Variants in PBX3 observed in about 807,000 individuals in gnomAD.
The protein encoded by PBX3 is pre-B-cell leukemia transcription factor 3.
A neutral mutation model predicts 48.5 loss-of-function variants in PBX3; 14 were observed. The observed-to-expected ratio is 0.29, with a 90% CI of 0.19 to 0.45. The LOEUF is 0.45. PBX3 is among the 20% of genes least tolerant of loss of function. The pLI, the probability that PBX3 is intolerant of heterozygous loss-of-function variation, is 1.00. For missense variants in PBX3, 386 were observed against 546.7 expected (o/e 0.71, Z 2.93); for synonymous variants, 210 against 200.3 (o/e 1.05, Z -0.41).
intron 2 of PBX3, among the ~76,000 whole-genome samples, chr9:125,824,461 G>A (rs776483077): frequency 1.7e-4 from 26 of 152,150 alleles, no homozygotes; most frequent in Non-Finnish European, 3.7e-4. Context: ...TTATGAGAAT[G>A]CATATTTAAT....
chr9:125,906,771 C>T (rs938025298), intron 2 of PBX3, among the ~76,000 whole-genome samples: 5 of 152,032 alleles, frequency 3.3e-5, no homozygotes, highest in African/African-American at 1.2e-4. Context: ...ATCATCATAT[C>T]TGTATGGTTT....
chr9:125,795,801 A>G (rs966770374), intron 2 of PBX3, among the ~76,000 whole-genome samples: 1 of 152,204 alleles, frequency 6.6e-6, no homozygotes, highest in African/African-American at 2.4e-5. Flanking sequence ...TTAATACACG[A>G]GGTCCCACAG....
At chr9:125,764,305 T>C (rs150497582) in intron 2 of PBX3, among the ~76,000 whole-genome samples, 2 of 152,378 alleles carry the variant, frequency 1.3e-5, no homozygotes, top group African/African-American at 4.8e-5. Context: ...AACAGAACTG[T>C]ACTTTGGATA....
chr9:125,862,283 T>G (rs1234767850), intron 2 of PBX3, among the ~76,000 whole-genome samples: 1 of 152,180 alleles, frequency 6.6e-6, no homozygotes, highest in African/African-American at 2.4e-5. Context: ...TTGTGACATA[T>G]GGTAAGAGCA....
chr9:125,788,929 C>G (rs890530624), intron 2 of PBX3, among the ~76,000 whole-genome samples: 12 of 151,334 alleles, frequency 7.9e-5, no homozygotes, highest in Admixed American at 6.6e-5. Flanking sequence ...ATTTCCCTTC[C>G]TTTTTCTCTT....
chr9:125,808,052 T>TA (rs1838178808), intron 2 of PBX3, among the ~76,000 whole-genome samples: 1 of 152,210 alleles, frequency 6.6e-6, no homozygotes, highest in South Asian at 2.1e-4. Context: ...GATAGATAGA[T>TA]AAAGTCCAGA....
intron 2 of PBX3, among the ~76,000 whole-genome samples, chr9:125,792,127 T>C (rs746143554): frequency 6.6e-6 from 1 of 152,012 alleles, no homozygotes; most frequent in African/African-American, 2.4e-5. Flanking sequence ...TAGACTCTTA[T>C]ACTAGAATCC....
intron 5 of PBX3, among the ~76,000 whole-genome samples, chr9:125,953,118 A>C (rs1842227139): frequency 6.6e-6 from 1 of 152,136 alleles, no homozygotes; most frequent in Non-Finnish European, 1.5e-5. Flanking sequence ...TCTTTAATAA[A>C]TGATCATATT....
chr9:125,835,890 T>C (rs1839119266), intron 2 of PBX3, among the ~76,000 whole-genome samples: 1 of 152,220 alleles, frequency 6.6e-6, no homozygotes, highest in African/African-American at 2.4e-5. Context: ...CAAGACAATC[T>C]GCACTCCCTT....
chr9:125,949,521 A>G (rs931356354), intron 5 of PBX3: 18 of 1,539,332 alleles, frequency 1.2e-5, no homozygotes, highest in Admixed American at 4.1e-5. Flanking sequence ...TGATGGACCT[A>G]TACTGTGTAT....
chr9:125,879,788 AC>A (rs1840339420), intron 2 of PBX3, among the ~76,000 whole-genome samples: 1 of 152,158 alleles, frequency 6.6e-6, no homozygotes, highest in African/African-American at 2.4e-5. Flanking sequence ...TATTTTTAAT[AC>A]CTTTTATTAT....
Position 125,963,079 on chromosome 9 carries a change from T to G in PBX3, c.1190T>G (p.Leu397Arg), listed in dbSNP as rs138731813. The G allele has an allele frequency of 6.2e-7, 1 of 1,603,012 alleles. No homozygotes were observed. Among genetic ancestry groups the G allele is most frequent in the African/African-American group, 1.3e-5 (1 of 74,808 alleles). ...GYSDGLGGNS[L>R]YSPHNLNANG... is the part of the protein sequence containing the mutation. ...AGTGATGGCCTTGGAGGAAATTCAC[T>G]GTACAGTCCACATAATTTAAATGTG... The change falls in exon 8 of 9, where the codon CTG (leucine) becomes CGG (arginine). Residue 397 changes from leucine to arginine, a missense_variant. By Grantham distance (102) the Leu-to-Arg change is moderately radical (BLOSUM62 -2). Transcript: ENST00000373489.
chr9:125,892,204 T>G (rs1564159541), intron 2 of PBX3, among the ~76,000 whole-genome samples: 1 of 152,206 alleles, frequency 6.6e-6, no homozygotes, highest in African/African-American at 2.4e-5. Flanking sequence ...ATTAGAGGCA[T>G]GAGCCACCAC....
chr9:125,941,250 C>T (rs532691756), intron 5 of PBX3, among the ~76,000 whole-genome samples: 10 of 152,266 alleles, frequency 6.6e-5, no homozygotes, highest in Non-Finnish European at 1.0e-4. Flanking sequence ...TACGGAGGCC[C>T]TGAGGTAGAA....
intron 2 of PBX3, among the ~76,000 whole-genome samples, chr9:125,776,355 G>A (rs1837070579): frequency 6.6e-6 from 1 of 151,788 alleles, no homozygotes; most frequent in African/African-American, 2.4e-5. Flanking sequence ...TTGGTTTTGT[G>A]TGTTGAACCA....
At chr9:125,803,774 C>T (rs574600008) in intron 2 of PBX3, among the ~76,000 whole-genome samples, 4 of 152,316 alleles carry the variant, frequency 2.6e-5, no homozygotes, top group African/African-American at 9.6e-5. Flanking sequence ...GTGTAATAGA[C>T]ATACAATAAA....
chr9:125,876,143 G>GC (rs1258534494), intron 2 of PBX3, among the ~76,000 whole-genome samples: 1 of 152,060 alleles, frequency 6.6e-6, no homozygotes, highest in Non-Finnish European at 1.5e-5. Context: ...TATGCTGTGT[G>GC]CTTCCTTTAG....
chr9:125,841,844 AT>A (rs1355774888), intron 2 of PBX3, among the ~76,000 whole-genome samples: 2 of 152,176 alleles, frequency 1.3e-5, no homozygotes, highest in East Asian at 3.8e-4. Flanking sequence ...AAACTGCAGT[AT>A]TGGTTTAGAG....
At chr9:125,826,163 C>T (rs1838801023) in intron 2 of PBX3, among the ~76,000 whole-genome samples, 1 of 152,008 alleles carries the variant, frequency 6.6e-6, no homozygotes, top group South Asian at 2.1e-4. Context: ...CTTTATTTAC[C>T]ACAATCTTAC....
Sources: gnomAD v4.1 joint callset for allele counts (sites outside exome capture counted in the v4.1 genomes callset) on GRCh38, gnomAD v4.1.1 for gene constraint, MANE v1.5 for transcripts, NCBI Gene and HGNC (gene_info 2026-07-23, HGNC 2026-07-21) for gene names.